NCAPH: variants seen among roughly 807,000 people sequenced by gnomAD.
NCAPH encodes condensin complex subunit 2.
A neutral mutation model predicts 85.5 loss-of-function variants in NCAPH; 38 were observed. The ratio of observed to expected loss-of-function variants is 0.44; its 90% CI spans 0.34 to 0.58. NCAPH has a LOEUF of 0.58. Ranked by LOEUF, NCAPH falls within the 20% of genes least tolerant of loss-of-function variation. The pLI, the probability that NCAPH is intolerant of heterozygous loss-of-function variation, is 0.01. For missense variants in NCAPH, 789 were observed against 916.6 expected (o/e 0.86, Z 1.80); for synonymous variants, 301 against 335.1 (o/e 0.90, Z 1.11).
At chr2:96,357,106 AAAGCCCAG>A (rs1558797635) in intron 9 of NCAPH, among the ~76,000 whole-genome samples, 6 of 152,252 alleles carry the variant, frequency 3.9e-5, no homozygotes, top group Non-Finnish European at 8.8e-5. Context: ...GTCGGAGGTC[AAAGCCCAG>A]AACACAGCCT....
chr2:96,348,750 G>A (rs903081129), intron 6 of NCAPH, among the ~76,000 whole-genome samples: 19 of 151,808 alleles, frequency 1.3e-4, no homozygotes, highest in African/African-American at 3.6e-4. Context: ...CTGTCTCCCC[G>A]GTTCAAACGA....
intron 13 of NCAPH, among the ~76,000 whole-genome samples, chr2:96,364,837 A>G (rs747537421): frequency 7.2e-5 from 11 of 152,200 alleles, no homozygotes; most frequent in Non-Finnish European, 1.5e-4. Flanking sequence ...ACTCAAGTGA[A>G]TGCGTCGACA....
chr2:96,370,557 C>T (rs977697227), intron 17 of NCAPH, among the ~76,000 whole-genome samples: 4 of 152,192 alleles, frequency 2.6e-5, no homozygotes, highest in African/African-American at 9.7e-5. Flanking sequence ...GCCTGTGTGG[C>T]ACAGCCATCA....
intron 17 of NCAPH, 31 bp downstream of exon 17, chr2:96,369,531 A>G (rs1273056727): frequency 3.2e-6 from 5 of 1,577,170 alleles, no homozygotes; most frequent in Non-Finnish European, 4.4e-6. Context: ...TGGGAGTATT[A>G]GAGTATTCCC....
rs1193710367 is a variant in NCAPH, at chr2:96,374,141, G to A, written c.*790G>A. Among the ~76,000 whole-genome samples the A allele has an allele frequency of 6.6e-6, 1 of 152,192 alleles. No homozygotes were observed. The highest frequency in any genetic ancestry group is 1.5e-5 in the Non-Finnish European group (1 of 68,040). ...ATCCCTAGGAGAAACTTACTATTGT[G>A]ACTCTCATGTTGGAGGAGGAAACGG... On this transcript the variant is annotated 3_prime_UTR_variant, in exon 18 of 18. Coordinates refer to ENST00000240423, the MANE Select transcript of NCAPH (RefSeq NM_015341.5).
At chr2:96,365,797 A>T in intron 13 of NCAPH, 79 bp from the exon 14 acceptor site, 1 of 1,417,766 alleles carries the variant, frequency 7.1e-7, no homozygotes, top group Non-Finnish European at 9.9e-7. Context: ...CTTGCTTTGT[A>T]AACATGGAGT....
Position 96,375,068 on chromosome 2 carries a change from T to A in NCAPH, c.*1717T>A, listed in dbSNP as rs1399790650. On this transcript the variant is annotated 3_prime_UTR_variant, in exon 18 of 18. Coordinates refer to ENST00000240423, the MANE Select transcript of NCAPH (RefSeq NM_015341.5). ...AAAAAAAGTTTAAAAATTAGCCAGGTACGGAGGTGTGTGCCTGTAATCCCA... is the reference window on the plus strand; with the variant it reads ...AAAAAAAGTTTAAAAATTAGCCAGGAACGGAGGTGTGTGCCTGTAATCCCA... 6.6e-6 allele frequency among the ~76,000 whole-genome samples: 1 copy of A among 151,666 alleles called. No homozygotes were observed. Among genetic ancestry groups the A allele is most frequent in the East Asian group, 1.9e-4 (1 of 5,188 alleles).
At chr2:96,350,207 A>G (rs1041686208) in intron 6 of NCAPH, among the ~76,000 whole-genome samples, 2 of 152,242 alleles carry the variant, frequency 1.3e-5, no homozygotes, top group African/African-American at 4.8e-5. Flanking sequence ...CTCAAACTAC[A>G]CAGTCAGCCA....
At chr2:96,370,019 G>C (rs1051576913) in intron 17 of NCAPH, among the ~76,000 whole-genome samples, 2 of 152,204 alleles carry the variant, frequency 1.3e-5, no homozygotes, top group African/African-American at 4.8e-5. Context: ...CCTGTGCTAG[G>C]CCAGCCAACA....
At chr2:96,361,713 C>G (rs1441828272) in intron 12 of NCAPH, among the ~76,000 whole-genome samples, 1 of 145,642 alleles carries the variant, frequency 6.9e-6, no homozygotes, top group Non-Finnish European at 1.5e-5. Context: ...TTATACTTTC[C>G]TCTTTATTTT....
intron 17 of NCAPH, 133 bp downstream of exon 17, chr2:96,369,633 C>A (rs1174763693): frequency 3.4e-6 from 3 of 877,008 alleles, no homozygotes; most frequent in Non-Finnish European, 1.8e-6. Context: ...CACCTTCAAC[C>A]CAAATGATTA....
intron 1 of NCAPH, among the ~76,000 whole-genome samples, 153 bp downstream of exon 1, chr2:96,336,001 G>A (rs2064208296): frequency 6.6e-6 from 1 of 152,096 alleles, no homozygotes; most frequent in Non-Finnish European, 1.5e-5. Context: ...CGGTGCGGGG[G>A]GAGGGGAGGG....
intron 12 of NCAPH, among the ~76,000 whole-genome samples, chr2:96,362,883 A>T (rs958776761): frequency 9.9e-5 from 15 of 152,228 alleles, no homozygotes; most frequent in African/African-American, 3.4e-4. Context: ...AGAATGTTAC[A>T]TAGTCTTAGT....
At chr2:96,361,453 A>G (rs2064608261) in intron 12 of NCAPH, among the ~76,000 whole-genome samples, 1 of 151,966 alleles carries the variant, frequency 6.6e-6, no homozygotes, top group African/African-American at 2.4e-5. Flanking sequence ...CCAAGGTGAC[A>G]CACGGGCTCA....
Position 96,373,361 on chromosome 2 carries a change from G to A in NCAPH, c.*10G>A. 2 of 1,612,278 alleles carry A rather than the reference G, an allele frequency of 1.2e-6. No individual in the cohort carries two copies. The highest frequency in any genetic ancestry group is 1.1e-5 in the South Asian group (1 of 90,922). On this transcript the variant is annotated 3_prime_UTR_variant, in exon 18 of 18. Transcript: ENST00000240423. ...GAGGCAAGGAGATTGAGTTCACTAT[G>A]GAGAAGTCAGCAGCAGGAGGCCCAT...
intron 9 of NCAPH, among the ~76,000 whole-genome samples, chr2:96,355,033 CTG>C (rs1036992511): frequency 5.9e-5 from 9 of 151,962 alleles, no homozygotes; most frequent in Admixed American, 2.0e-4. Context: ...GATGGGCAGA[CTG>C]GGGACGAGCA....
At chr2:96,354,439 C>T in intron 9 of NCAPH, 51 bp downstream of exon 9, 2 of 1,326,126 alleles carry the variant, frequency 1.5e-6, no homozygotes, top group South Asian at 4.3e-5. Flanking sequence ...TCCATTGGTT[C>T]TTTTTTCTTT....
At chr2:96,355,744 C>G (rs1298640694) in intron 9 of NCAPH, among the ~76,000 whole-genome samples, 2 of 151,766 alleles carry the variant, frequency 1.3e-5, no homozygotes, top group East Asian at 3.9e-4. Flanking sequence ...CGGGTTCACA[C>G]CATTCTCCTG....
In NCAPH at chr2:96,375,213, C is replaced by CAA. The variant is rs796881318; in HGVS notation, c.*1872_*1873dup. 2.2e-4 allele frequency among the ~76,000 whole-genome samples: 31 copies of CAA among 144,146 alleles called. No homozygotes were observed. The highest frequency in any genetic ancestry group is 7.6e-4 in the African/African-American group (30 of 39,636). The allele number at this position is 144,146 out of a possible 152,430, so 94.6% of individuals were successfully genotyped here. ...ACAGAGTGAGATCCTATCTCTTAAA[C>CAA]AAAAAAAAAAACTGGCGAGTTCAAT... is the stretch of plus-strand genomic sequence containing the variant. On this transcript the variant is annotated 3_prime_UTR_variant, in exon 18 of 18. Coordinates refer to ENST00000240423, the MANE Select transcript of NCAPH (RefSeq NM_015341.5).
Sources: allele counts gnomAD v4.1 joint callset (sites outside exome capture counted in the v4.1 genomes callset), GRCh38; gene constraint gnomAD v4.1.1; transcripts MANE v1.5; gene names NCBI Gene and HGNC (gene_info 2026-07-23, HGNC 2026-07-21).